DMXL1: variants seen among roughly 807,000 people sequenced by gnomAD.
DMXL1 encodes Dmx like 1.
Under a neutral mutation model 319.2 loss-of-function variants are expected in DMXL1, and 99 were observed. The observed-to-expected ratio is 0.31, with a 90% confidence interval of 0.26 to 0.37. The LOEUF is 0.37. Ranked by LOEUF, DMXL1 falls within the 10% of genes least tolerant of loss-of-function variation. The pLI is 1.00. For synonymous variants in DMXL1, 1,385 were observed against 1,235.2 expected (o/e 1.12, Z -2.54); for missense variants, 3,745 against 3,595.6 (o/e 1.04, Z -1.06).
At chr5:119,101,211 C>G (rs1757203366) in intron 2 of DMXL1, among the ~76,000 whole-genome samples, 1 of 152,214 alleles carries the variant, frequency 6.6e-6, no homozygotes, top group Admixed American at 6.5e-5. Context: ...ATATCTATAT[C>G]CTAAGAATTC....
Position 119,133,112 on chromosome 5 carries a change from A to G in DMXL1, c.1316-20A>G, listed in dbSNP as rs1481740878. 2.5e-6 allele frequency: 4 copies of G among 1,612,442 alleles called. No individual in the cohort carries two copies. Among genetic ancestry groups the G allele is most frequent in the Non-Finnish European group, 3.4e-6 (4 of 1,179,018 alleles). ...TAACCTGTTTGTATTTACTTGGTTC[A>G]TGAACTCTTTTGCTTATAGAAACTG... On this transcript the variant is annotated intron_variant, in intron 10 of 43. Transcript: ENST00000539542.
chr5:119,147,057 A>G (rs1581009121), intron 16 of DMXL1, 101 bp downstream of exon 16: 9 of 1,357,740 alleles, frequency 6.6e-6, no homozygotes, highest in Admixed American at 2.3e-5. Flanking sequence ...AGCCATTCTC[A>G]TTAAATGGTG....
At chr5:119,157,361 C>T (rs1471846530) in intron 19 of DMXL1, among the ~76,000 whole-genome samples, 1 of 152,062 alleles carries the variant, frequency 6.6e-6, no homozygotes, top group Non-Finnish European at 1.5e-5. Context: ...CTTTTGTTGC[C>T]CGTCCCTTTG....
intron 9 of DMXL1, 127 bp downstream of exon 9, chr5:119,121,266 T>C (rs2149948558): frequency 1.5e-6 from 1 of 668,284 alleles, no homozygotes; most frequent in Non-Finnish European, 2.2e-6. Context: ...ATTTTTCTTT[T>C]TTTTTTCTTT....
chr5:119,095,014 A>G (rs761183732), intron 1 of DMXL1, among the ~76,000 whole-genome samples: 4 of 152,020 alleles, frequency 2.6e-5, no homozygotes, highest in African/African-American at 9.7e-5. Context: ...CGCCACTGCA[A>G]CCAGCTAATT....
At chr5:119,188,221 T>G (rs1012251096) in intron 28 of DMXL1, among the ~76,000 whole-genome samples, 1 of 149,096 alleles carries the variant, frequency 6.7e-6, no homozygotes, top group Non-Finnish European at 1.5e-5. Flanking sequence ...ATTGTACGTG[T>G]TTTTTTTTCA....
Position 119,198,092 on chromosome 5 carries a change from G to A in DMXL1, c.7745+136G>A, listed in dbSNP as rs1294718115. 7 of 768,710 alleles carry A rather than the reference G, an allele frequency of 9.1e-6. No individual in the cohort carries two copies. In the Admixed American group the frequency reaches 1.4e-4, roughly 16 times the overall value. The allele number at this position is 768,710 out of a possible 1,614,324, so 47.6% of individuals were successfully genotyped here. A position where few individuals can be genotyped will look rare whatever the true frequency, so the allele number is the denominator to read the frequency against. ...CAGCCTCTGCCTCCTGGGTTCAAGT[G>A]ATTCTCCTGCCTCAGTCTCCTGAGT... On this transcript the variant is annotated intron_variant, in intron 32 of 43. Coordinates refer to ENST00000539542, the MANE Select transcript of DMXL1 (RefSeq NM_001290321.3).
intron 10 of DMXL1, among the ~76,000 whole-genome samples, chr5:119,130,908 C>G (rs138352418): frequency 4.6e-5 from 7 of 152,070 alleles, no homozygotes; most frequent in Admixed American, 1.3e-4. Flanking sequence ...TGACAAATTG[C>G]CCTCCAGAAA....
At chr5:119,142,402 A>T (rs1049618965) in intron 13 of DMXL1, among the ~76,000 whole-genome samples, 3 of 152,066 alleles carry the variant, frequency 2.0e-5, no homozygotes, top group Admixed American at 1.3e-4. Context: ...AAAAGAAGAC[A>T]TACGTGTGGC....
At chr5:119,122,763 G>A (rs954944605) in intron 9 of DMXL1, among the ~76,000 whole-genome samples, 5 of 151,190 alleles carry the variant, frequency 3.3e-5, no homozygotes, top group African/African-American at 1.2e-4. Context: ...GGGAAGAGGC[G>A]CTCCTCACTT....
chr5:119,146,356 T>G (rs941962634), intron 15 of DMXL1, among the ~76,000 whole-genome samples: 1 of 151,970 alleles, frequency 6.6e-6, no homozygotes, highest in African/African-American at 2.4e-5. Context: ...CGTGTGCTGT[T>G]TATGCAATTT....
chr5:119,138,366 A>G (rs556642135), intron 13 of DMXL1, among the ~76,000 whole-genome samples: 11 of 152,232 alleles, frequency 7.2e-5, no homozygotes, highest in Non-Finnish European at 1.6e-4. Flanking sequence ...GGGAAATTCA[A>G]GAGTCTGGCT....
At chr5:119,112,538 C>T (rs1454983972) in intron 5 of DMXL1, among the ~76,000 whole-genome samples, 1 of 152,102 alleles carries the variant, frequency 6.6e-6, no homozygotes, top group African/African-American at 2.4e-5. Context: ...GTAAGGCAGA[C>T]GTCCCATATG....
At position 119,114,999 on chromosome 5, in the gene DMXL1, C is replaced by A. The variant is rs1760521950; in HGVS notation, c.564+458C>A. Among the ~76,000 whole-genome samples, 3 of 152,096 alleles carry A rather than the reference C, an allele frequency of 2.0e-5. No homozygotes were observed. In the South Asian group the frequency reaches 6.2e-4, roughly 32 times the overall value. On this transcript the variant is annotated intron_variant, in intron 6 of 43. Transcript: ENST00000539542. The stretch of plus-strand genomic sequence containing the variant: ...AATTTTAAATAGCAAAAATTGACTC[C>A]ATTATTGTGGTGTTAAAAGACTGTG...
chr5:119,199,568 C>G (rs1780301456), intron 32 of DMXL1, among the ~76,000 whole-genome samples: 1 of 152,184 alleles, frequency 6.6e-6, no homozygotes, highest in Non-Finnish European at 1.5e-5. Context: ...TTATATTACC[C>G]TAGGTATATA....
chr5:119,224,681 C>A (rs776016698), intron 37 of DMXL1, 28 bp from the exon 38 acceptor site: 6 of 869,202 alleles, frequency 6.9e-6, no homozygotes, highest in South Asian at 2.5e-5. Flanking sequence ...TTTATTATGC[C>A]TATAAAATAA....
chr5:119,152,947 T>C (rs1194578469), intron 19 of DMXL1, among the ~76,000 whole-genome samples: 3 of 152,254 alleles, frequency 2.0e-5, no homozygotes, highest in African/African-American at 7.2e-5. Context: ...AAAAGTAAAG[T>C]TGAAAATTCT....
At chr5:119,094,476 T>C (rs1025458597) in intron 1 of DMXL1, among the ~76,000 whole-genome samples, 31 of 152,236 alleles carry the variant, frequency 2.0e-4, no homozygotes, top group Middle Eastern at 3.2e-3. Flanking sequence ...TGCTGTTCAT[T>C]GACAATGACC....
At chr5:119,226,912 C>T (rs1189859909) in intron 38 of DMXL1, among the ~76,000 whole-genome samples, 2 of 152,192 alleles carry the variant, frequency 1.3e-5, no homozygotes, top group Non-Finnish European at 2.9e-5. Flanking sequence ...GAGCTTCTCT[C>T]CCCTTGGAGT....
Sources: allele counts gnomAD v4.1 joint callset (sites outside exome capture counted in the v4.1 genomes callset), GRCh38; gene constraint gnomAD v4.1.1; transcripts MANE v1.5; gene names NCBI Gene and HGNC (gene_info 2026-07-23, HGNC 2026-07-21).